SYN2: variants seen among roughly 807,000 people sequenced by gnomAD.
The protein encoded by SYN2 is synapsin II, also known as synapsin-2.
In SYN2, 19 loss-of-function variants were observed where a neutral mutation model predicts 50.9. The observed-to-expected ratio is 0.37, with a 90% confidence interval of 0.26 to 0.55. The LOEUF (loss-of-function observed/expected upper bound fraction) is 0.55, where lower values mean the gene tolerates loss of function less well. SYN2 is among the 20% of genes least tolerant of loss of function. The probability of loss-of-function intolerance (pLI) is 0.81; values close to 1 mark genes in which losing one functional copy is unlikely to be tolerated. For synonymous variants in SYN2, 255 were observed against 224.9 expected (o/e 1.13, Z -1.20); for missense variants, 587 against 576.4 (o/e 1.02, Z -0.19).
intron 1 of SYN2, among the ~76,000 whole-genome samples, chr3:12,051,753 G>C (rs1292030345): frequency 6.6e-6 from 1 of 152,170 alleles, no homozygotes; most frequent in Non-Finnish European, 1.5e-5. Context: ...CCTTAAATGG[G>C]TCAGTTGTCA....
At chr3:12,045,724 G>A (rs553702855) in intron 1 of SYN2, among the ~76,000 whole-genome samples, 61 of 152,220 alleles carry the variant, frequency 4.0e-4, no homozygotes, top group African/African-American at 1.4e-3. Context: ...TGCTCATGGC[G>A]AACTGATTTG....
intron 1 of SYN2, among the ~76,000 whole-genome samples, chr3:12,123,182 T>C (rs1444045579): frequency 6.6e-6 from 1 of 152,178 alleles, no homozygotes; most frequent in Non-Finnish European, 1.5e-5. Context: ...AAAGAGGCAA[T>C]ATACAGAGGT....
At chr3:12,138,000 C>T (rs1696934645) in intron 1 of SYN2, among the ~76,000 whole-genome samples, 1 of 152,208 alleles carries the variant, frequency 6.6e-6, no homozygotes, top group African/African-American at 2.4e-5. Flanking sequence ...CTAGAATTCA[C>T]ACCCCAGATT....
intron 10 of SYN2, among the ~76,000 whole-genome samples, chr3:12,179,884 T>TA (rs1332380537): frequency 6.6e-6 from 1 of 152,226 alleles, no homozygotes; most frequent in Non-Finnish European, 1.5e-5. Flanking sequence ...GCAGCATCAT[T>TA]ACAGACTGAC....
intron 11 of SYN2, chr3:12,184,605 G>A: frequency 3.0e-6 from 3 of 985,946 alleles, no homozygotes; most frequent in Non-Finnish European, 3.6e-6. Flanking sequence ...TCCAAAGATT[G>A]AGGAGCTTTC....
chr3:12,188,037 T>TG (rs1698381139), intron 12 of SYN2, among the ~76,000 whole-genome samples: 1 of 151,326 alleles, frequency 6.6e-6, no homozygotes, highest in African/African-American at 2.4e-5. Flanking sequence ...AAAAAAAAAT[T>TG]TTTAATCTTT....
At chr3:12,171,602 C>T (rs1217436945) in intron 10 of SYN2, among the ~76,000 whole-genome samples, 1 of 152,190 alleles carries the variant, frequency 6.6e-6, no homozygotes, top group Non-Finnish European at 1.5e-5. Flanking sequence ...TCATGGCCTT[C>T]TACAAGGAAA....
At chr3:12,071,395 G>A (rs1039000295) in intron 1 of SYN2, 13 of 548,126 alleles carry the variant, frequency 2.4e-5, no homozygotes, top group African/African-American at 2.1e-4. Context: ...AGCATTTGCT[G>A]CATGGGTTAA....
intron 7 of SYN2, among the ~76,000 whole-genome samples, chr3:12,164,145 A>AT: frequency 6.6e-6 from 1 of 152,296 alleles, no homozygotes; most frequent in Admixed American, 6.5e-5. Flanking sequence ...GAAGCAAAAA[A>AT]ATATATACCT....
chr3:12,031,297 A>C (rs1694377335), intron 1 of SYN2, among the ~76,000 whole-genome samples: 1 of 139,112 alleles, frequency 7.2e-6, no homozygotes, highest in African/African-American at 2.6e-5. Context: ...CTTTACTTCC[A>C]AGTATGTGGT....
At chr3:12,183,166 G>A in intron 10 of SYN2, 146 bp from the exon 11 acceptor site, 2 of 1,154,494 alleles carry the variant, frequency 1.7e-6, no homozygotes, top group Non-Finnish European at 2.4e-6. Flanking sequence ...TGTTTCTGGA[G>A]CAGCAGAAGC....
At chr3:12,111,166 A>C (rs923932433) in intron 1 of SYN2, among the ~76,000 whole-genome samples, 6 of 152,162 alleles carry the variant, frequency 3.9e-5, no homozygotes, top group Non-Finnish European at 5.9e-5. Context: ...TGCTGTTCTC[A>C]TGATAGTGAA....
intron 5 of SYN2, among the ~76,000 whole-genome samples, chr3:12,160,993 G>T (rs1280803469): frequency 6.6e-6 from 1 of 152,130 alleles, no homozygotes; most frequent in African/African-American, 2.4e-5. Context: ...GCCTTCACAT[G>T]CAAAGCCTTG....
chr3:12,077,089 A>T (rs1437311411), intron 1 of SYN2, among the ~76,000 whole-genome samples: 1 of 152,056 alleles, frequency 6.6e-6, no homozygotes, highest in African/African-American at 2.4e-5. Flanking sequence ...CAGGTTTGCG[A>T]TGGGGCAATC....
At chr3:12,024,026 G>C (rs916223640) in intron 1 of SYN2, among the ~76,000 whole-genome samples, 1 of 151,910 alleles carries the variant, frequency 6.6e-6, no homozygotes, top group African/African-American at 2.4e-5. Context: ...ATACATAAAC[G>C]TGCAGAAATA....
chr3:12,004,434 C>A lies in SYN2; in HGVS notation c.-118C>A. On this transcript the variant is annotated 5_prime_UTR_variant, in exon 1 of 13. The change creates a new upstream start codon in the 5' untranslated region. Transcript: ENST00000621198. The stretch of plus-strand genomic sequence containing the variant: ...GGGTCTGGTGCCGGGGCCTGAGTCT[C>A]TGCTGGCTAAGCCGCCGCCTCAGCC... The A allele has an allele frequency of 3.5e-6, 1 of 286,872 alleles. No homozygotes were observed. The highest frequency in any genetic ancestry group is 6.8e-6 in the Non-Finnish European group (1 of 147,630). 17.8% of individuals were successfully genotyped at this position (286,872 alleles called of 1,614,324 possible). A position where few individuals can be genotyped will look rare whatever the true frequency, so the allele number is the denominator to read the frequency against.
At chr3:12,068,309 C>T (rs1402913818) in intron 1 of SYN2, among the ~76,000 whole-genome samples, 2 of 152,164 alleles carry the variant, frequency 1.3e-5, no homozygotes, top group Admixed American at 1.3e-4. Flanking sequence ...GAAGGCATTG[C>T]TCAGTTATCT....
intron 1 of SYN2, among the ~76,000 whole-genome samples, chr3:12,005,894 G>A (rs939742554): frequency 2.7e-5 from 4 of 149,352 alleles, no homozygotes; most frequent in African/African-American, 1.0e-4. Flanking sequence ...AGTTAACCTA[G>A]GGAATGGTGG....
chr3:12,164,837 A>G (rs978409351), intron 7 of SYN2, among the ~76,000 whole-genome samples: 1 of 152,188 alleles, frequency 6.6e-6, no homozygotes, highest in African/African-American at 2.4e-5. Flanking sequence ...TTTTCCACTC[A>G]AAAAGGATTT....
Sources: allele counts gnomAD v4.1 joint callset (sites outside exome capture counted in the v4.1 genomes callset), GRCh38; gene constraint gnomAD v4.1.1; transcripts MANE v1.5; gene names NCBI Gene and HGNC (gene_info 2026-07-23, HGNC 2026-07-21).